KCNQ5: variants seen among roughly 807,000 people sequenced by gnomAD.
KCNQ5 encodes the protein potassium voltage-gated channel subfamily KQT member 5.
Under a neutral mutation model 98.2 loss-of-function variants are expected in KCNQ5, and 30 were observed. The observed-to-expected ratio is 0.31, with a 90% confidence interval of 0.23 to 0.41. The LOEUF is 0.41. Among genes scored for constraint, KCNQ5 ranks in the 10% least tolerant of loss-of-function variants. The pLI is 1.00. For missense variants in KCNQ5, 835 were observed against 1,182.5 expected (o/e 0.71, Z 4.31); for synonymous variants, 458 against 449.4 (o/e 1.02, Z -0.24).
intron 1 of KCNQ5, among the ~76,000 whole-genome samples, chr6:72,714,212 C>A (rs962981400): frequency 2.6e-5 from 4 of 152,190 alleles, no homozygotes; most frequent in Admixed American, 6.5e-5. Context: ...TTAATCTCTA[C>A]CTAATTAACT....
At chr6:72,771,714 A>G (rs1027172811) in intron 1 of KCNQ5, among the ~76,000 whole-genome samples, 2 of 151,064 alleles carry the variant, frequency 1.3e-5, no homozygotes, top group South Asian at 2.1e-4. Flanking sequence ...CCTTAAATAT[A>G]TGCAATAAAA....
intron 7 of KCNQ5, among the ~76,000 whole-genome samples, chr6:73,114,375 C>T (rs1002127493): frequency 6.6e-6 from 1 of 152,202 alleles, no homozygotes; most frequent in African/African-American, 2.4e-5. Flanking sequence ...CAAATTGCTT[C>T]ATCATTTGGT....
At chr6:73,078,058 G>A (rs967612936) in intron 5 of KCNQ5, among the ~76,000 whole-genome samples, 171 bp downstream of exon 5, 2 of 151,416 alleles carry the variant, frequency 1.3e-5, no homozygotes, top group Non-Finnish European at 2.9e-5. Flanking sequence ...CATCTTTTTA[G>A]GCCAACTAAG....
intron 1 of KCNQ5, among the ~76,000 whole-genome samples, chr6:72,635,541 G>A (rs762378167): frequency 1.3e-5 from 2 of 151,690 alleles, no homozygotes; most frequent in African/African-American, 4.8e-5. Context: ...TTACACTAGT[G>A]TGAATACATT....
intron 1 of KCNQ5, among the ~76,000 whole-genome samples, chr6:72,962,258 TATATATATAC>T (rs1379280356): frequency 3.4e-4 from 49 of 144,700 alleles, no homozygotes; most frequent in African/African-American, 1.2e-3. Context: ...TATACACACA[TATATATATAC>T]ATATATATAT....
chr6:72,918,597 A>G, intron 1 of KCNQ5, among the ~76,000 whole-genome samples: 1 of 152,090 alleles, frequency 6.6e-6, no homozygotes, highest in Non-Finnish European at 1.5e-5. Flanking sequence ...GTTCCTAATT[A>G]GAACTTCAAA....
intron 10 of KCNQ5, among the ~76,000 whole-genome samples, chr6:73,141,878 A>G (rs1265744928): frequency 6.6e-6 from 1 of 152,238 alleles, no homozygotes; most frequent in African/African-American, 2.4e-5. Flanking sequence ...GTGGTTTGAA[A>G]TAACACATAC....
At chr6:72,813,697 T>C (rs1051302369) in intron 1 of KCNQ5, among the ~76,000 whole-genome samples, 2 of 152,206 alleles carry the variant, frequency 1.3e-5, no homozygotes, top group African/African-American at 4.8e-5. Context: ...CGATATAAAA[T>C]AGTGTAGTAT....
chr6:72,744,096 C>T (rs1771257588), intron 1 of KCNQ5, among the ~76,000 whole-genome samples: 2 of 152,114 alleles, frequency 1.3e-5, no homozygotes, highest in South Asian at 4.1e-4. Flanking sequence ...TTAAAACATT[C>T]TTCCAGAAAT....
chr6:73,102,481 A>G (rs1315173351), intron 5 of KCNQ5, among the ~76,000 whole-genome samples: 1 of 152,216 alleles, frequency 6.6e-6, no homozygotes, highest in Admixed American at 6.5e-5. Flanking sequence ...AATATTTGCA[A>G]ATTATCCATC....
At chr6:72,711,266 C>T (rs1480944385) in intron 1 of KCNQ5, among the ~76,000 whole-genome samples, 1 of 151,954 alleles carries the variant, frequency 6.6e-6, no homozygotes, top group Non-Finnish European at 1.5e-5. Context: ...GCAGAGAGGC[C>T]TCAGGAGAAA....
At chr6:72,841,214 T>G (rs1776773818) in intron 1 of KCNQ5, among the ~76,000 whole-genome samples, 1 of 152,172 alleles carries the variant, frequency 6.6e-6, no homozygotes, top group African/African-American at 2.4e-5. Flanking sequence ...TATCATAATT[T>G]CTATTAGTTT....
chr6:72,777,114 C>T (rs570139107), intron 1 of KCNQ5, among the ~76,000 whole-genome samples: 1 of 152,204 alleles, frequency 6.6e-6, no homozygotes, highest in African/African-American at 2.4e-5. Context: ...ATGAAACCAA[C>T]AATGCTAGAT....
At chr6:72,837,751 T>C (rs997494655) in intron 1 of KCNQ5, among the ~76,000 whole-genome samples, 13 of 152,082 alleles carry the variant, frequency 8.5e-5, no homozygotes, top group African/African-American at 2.9e-4. Flanking sequence ...AAAGATGTAA[T>C]ATGTTAAACA....
chr6:72,713,648 G>A (rs1315868319), intron 1 of KCNQ5, among the ~76,000 whole-genome samples: 1 of 152,094 alleles, frequency 6.6e-6, no homozygotes, highest in Admixed American at 6.6e-5. Context: ...TAACCAACAA[G>A]AGAACATCAG....
intron 1 of KCNQ5, among the ~76,000 whole-genome samples, chr6:72,831,480 C>T (rs1007560104): frequency 6.7e-6 from 1 of 149,190 alleles, no homozygotes; most frequent in Admixed American, 6.8e-5. Flanking sequence ...ATCGCAAGGA[C>T]AAAAAAACAA....
intron 2 of KCNQ5, among the ~76,000 whole-genome samples, chr6:73,023,247 C>T (rs1177257639): frequency 6.6e-6 from 1 of 152,164 alleles, no homozygotes; most frequent in East Asian, 1.9e-4. Context: ...TCTGCACTTT[C>T]TGACTTTGGG....
intron 2 of KCNQ5, among the ~76,000 whole-genome samples, chr6:73,040,406 T>G (rs933474403): frequency 3.3e-5 from 5 of 152,152 alleles, no homozygotes; most frequent in Non-Finnish European, 1.5e-5. Context: ...CATGGGCATT[T>G]TGGGCCTGAG....
chr6:72,654,240 G>C (rs746680585), intron 1 of KCNQ5, among the ~76,000 whole-genome samples: 1 of 151,846 alleles, frequency 6.6e-6, no homozygotes, highest in African/African-American at 2.4e-5. Context: ...TTGGGGGTTT[G>C]GGAATGAAGA....
Sources: allele counts gnomAD v4.1 joint callset (sites outside exome capture counted in the v4.1 genomes callset), GRCh38; gene constraint gnomAD v4.1.1; transcripts MANE v1.5; gene names NCBI Gene and HGNC (gene_info 2026-07-23, HGNC 2026-07-21).